The following TANGO6 variants were observed in gnomAD, a reference collection of about 807,000 sequenced individuals.
TANGO6 encodes transport and golgi organization 6 homolog.
Under a neutral mutation model 114.2 loss-of-function variants are expected in TANGO6, and 90 were observed. The observed-to-expected ratio is 0.79, with a 90% CI of 0.66 to 0.94. The LOEUF (loss-of-function observed/expected upper bound fraction) is 0.94, where lower values mean the gene tolerates loss of function less well. TANGO6 is among the 40% of genes least tolerant of loss of function. The pLI is 0.00. For missense variants in TANGO6, 1,274 were observed against 1,315.3 expected (o/e 0.97, Z 0.49); for synonymous variants, 477 against 509.8 (o/e 0.94, Z 0.87).
At chr16:69,020,376 T>A (rs537150437) in intron 15 of TANGO6, among the ~76,000 whole-genome samples, 1 of 152,292 alleles carries the variant, frequency 6.6e-6, no homozygotes, top group Admixed American at 6.5e-5. Context: ...AGTTCTACCC[T>A]CAAGGAATTT....
chr16:69,076,787 G>A (rs1960386553), intron 17 of TANGO6, among the ~76,000 whole-genome samples: 1 of 152,162 alleles, frequency 6.6e-6, no homozygotes, highest in African/African-American at 2.4e-5. Flanking sequence ...GTGAACTCCA[G>A]ATGCAAATGC....
chr16:68,928,016 G>A lies in TANGO6; in HGVS notation c.2576G>A (p.Arg859His), dbSNP rs1217840374. 60 of 1,608,554 alleles carry A rather than the reference G, an allele frequency of 3.7e-5. No individual in the cohort carries two copies. The highest frequency in any genetic ancestry group is 3.6e-4 in the East Asian group (16 of 44,796). ...PQIPTRAAAL[R>H]TLSHWIEQRE... ...ATTCCAACACGGGCTGCTGCCCTGC[G>A]TACTCTTTCCCACTGGATAGAGCAG... Residue 859 changes from arginine (R) to histidine (H), a missense_variant, in exon 13 of 18, where the codon CGT becomes CAT. Coordinates refer to ENST00000261778, the MANE Select transcript of TANGO6 (RefSeq NM_024562.2).
chr16:69,041,925 A>G (rs1411311664), intron 17 of TANGO6, among the ~76,000 whole-genome samples: 1 of 152,212 alleles, frequency 6.6e-6, no homozygotes, highest in Non-Finnish European at 1.5e-5. Flanking sequence ...TGGCTACAAG[A>G]TAGCTGCTGC....
intron 17 of TANGO6, among the ~76,000 whole-genome samples, chr16:69,044,613 A>G (rs1959822269): frequency 6.6e-6 from 1 of 152,176 alleles, no homozygotes; most frequent in Non-Finnish European, 1.5e-5. Flanking sequence ...TGGGGAAGCC[A>G]CAGAAGAGAG....
At chr16:68,873,654 A>G (rs188356623) in intron 4 of TANGO6, among the ~76,000 whole-genome samples, 73 of 152,336 alleles carry the variant, frequency 4.8e-4, no homozygotes, top group African/African-American at 1.6e-3. Flanking sequence ...TCAGTCCTCC[A>G]TAAAAATTAT....
chr16:69,005,982 T>C (rs1964088626), intron 15 of TANGO6, among the ~76,000 whole-genome samples: 1 of 152,216 alleles, frequency 6.6e-6, no homozygotes, highest in Non-Finnish European at 1.5e-5. Context: ...AATGAAAATT[T>C]AGAAGGCTTT....
intron 14 of TANGO6, among the ~76,000 whole-genome samples, chr16:68,951,943 C>T (rs1299281966): frequency 1.3e-5 from 2 of 152,012 alleles, no homozygotes; most frequent in African/African-American, 4.8e-5. Context: ...TAAAATTAAA[C>T]CATGGAACCA....
intron 15 of TANGO6, among the ~76,000 whole-genome samples, chr16:69,001,469 G>A (rs1212026619): frequency 6.6e-6 from 1 of 151,784 alleles, no homozygotes; most frequent in Non-Finnish European, 1.5e-5. Context: ...TTTTCTTTGT[G>A]CCTATTATTT....
chr16:69,049,720 A>G (rs1218440820), intron 17 of TANGO6, among the ~76,000 whole-genome samples: 1 of 151,530 alleles, frequency 6.6e-6, no homozygotes, highest in African/African-American at 2.4e-5. Context: ...GATTACAGGC[A>G]TGAGCCACTA....
intron 17 of TANGO6, among the ~76,000 whole-genome samples, chr16:69,043,701 G>T (rs1959808837): frequency 1.3e-5 from 2 of 152,160 alleles, no homozygotes; most frequent in South Asian, 2.1e-4. Flanking sequence ...TAACCACAAA[G>T]CTTTCAATCT....
At chr16:69,017,840 T>G (rs1959328234) in intron 15 of TANGO6, among the ~76,000 whole-genome samples, 1 of 150,928 alleles carries the variant, frequency 6.6e-6, no homozygotes, top group Non-Finnish European at 1.5e-5. Context: ...CCTTCCTAAC[T>G]CCAGAAAGAG....
intron 14 of TANGO6, among the ~76,000 whole-genome samples, chr16:68,961,993 A>C (rs899417185): frequency 6.6e-6 from 1 of 152,186 alleles, no homozygotes; most frequent in African/African-American, 2.4e-5. Flanking sequence ...ACATTCACTC[A>C]TCCTGAATCT....
chr16:68,906,112 G>T (rs1024785923), intron 9 of TANGO6, among the ~76,000 whole-genome samples: 1 of 151,744 alleles, frequency 6.6e-6, no homozygotes, highest in Non-Finnish European at 1.5e-5. Flanking sequence ...CCCAGGAGGC[G>T]GAGGTTGCAG....
At chr16:68,913,329 TG>T (rs1328792228) in intron 11 of TANGO6, among the ~76,000 whole-genome samples, 1 of 151,644 alleles carries the variant, frequency 6.6e-6, no homozygotes, top group African/African-American at 2.4e-5. Context: ...TCTAGCAACT[TG>T]AGAAACTGGA....
intron 14 of TANGO6, among the ~76,000 whole-genome samples, chr16:68,940,546 G>C (rs1379433628): frequency 1.4e-5 from 2 of 146,830 alleles, no homozygotes; most frequent in Admixed American, 6.6e-5. Context: ...TCTCATCCTG[G>C]TTTGTAGTTT....
At chr16:68,873,488 A>G (rs934686484) in intron 4 of TANGO6, among the ~76,000 whole-genome samples, 3 of 151,608 alleles carry the variant, frequency 2.0e-5, no homozygotes, top group Non-Finnish European at 4.4e-5. Flanking sequence ...TAATTTTTGT[A>G]TTTTTAGTAG....
intron 3 of TANGO6, 27 bp downstream of exon 3, chr16:68,863,088 G>T: frequency 3.7e-6 from 5 of 1,356,616 alleles, no homozygotes; most frequent in Non-Finnish European, 5.0e-6. Context: ...ACTCTTGGGG[G>T]TGACTCATTA....
At chr16:69,062,470 TTTTA>T (rs976011352) in intron 17 of TANGO6, among the ~76,000 whole-genome samples, 3 of 151,898 alleles carry the variant, frequency 2.0e-5, no homozygotes, top group Non-Finnish European at 1.5e-5. Context: ...TAATTTTAAT[TTTTA>T]TTTATTTATT....
intron 17 of TANGO6, among the ~76,000 whole-genome samples, chr16:69,062,763 G>A (rs1409539143): frequency 7.7e-5 from 10 of 130,672 alleles, no homozygotes; most frequent in African/African-American, 2.3e-4. Flanking sequence ...ATGAGCCACC[G>A]CACCCGGCCC....
Sources: allele counts gnomAD v4.1 joint callset (sites outside exome capture counted in the v4.1 genomes callset), GRCh38; gene constraint gnomAD v4.1.1; transcripts MANE v1.5; gene names NCBI Gene and HGNC (gene_info 2026-07-23, HGNC 2026-07-21).